VXN: variants seen among roughly 807,000 people sequenced by gnomAD.
The protein encoded by VXN is vexin.
VXN carries 7 observed loss-of-function variants against 23.1 expected under a neutral mutation model. That is an observed-to-expected ratio of 0.30 (90% CI 0.17 to 0.57). The LOEUF (loss-of-function observed/expected upper bound fraction) is 0.57. Ranked by LOEUF, VXN falls within the 20% of genes least tolerant of loss-of-function variation. The pLI, the probability that VXN is intolerant of heterozygous loss-of-function variation, is 0.91. For synonymous variants in VXN, 120 were observed against 105.8 expected (o/e 1.13, Z -0.83); for missense variants, 238 against 272.6 (o/e 0.87, Z 0.89).
At position 66,516,139 on chromosome 8, in the gene VXN, A is replaced by G; in HGVS notation, c.*63A>G. The G allele has an allele frequency of 1.4e-6, 2 of 1,460,800 alleles. No homozygotes were observed. Among genetic ancestry groups the G allele is most frequent in the Non-Finnish European group, 1.8e-6 (2 of 1,099,968 alleles). The allele number at this position is 1,460,800 out of a possible 1,614,324, so 90.5% of individuals were successfully genotyped here. A position where few individuals can be genotyped will look rare whatever the true frequency, so the allele number is the denominator to read the frequency against. ...TCCCCGGACAAGAGGAAAAACCTTC[A>G]GGATTGAAACTGAGCCACACGCACC... On this transcript the variant is annotated 3_prime_UTR_variant, in exon 6 of 6. Transcript: ENST00000305454.
rs202199085 is a variant in VXN at position 66,506,234 on chromosome 8, T to A, written c.280+706T>A. Among the ~76,000 whole-genome samples the A allele has an allele frequency of 5.2e-3, 450 of 86,554 alleles. 3 individuals are homozygous for A. Among genetic ancestry groups the A allele is most frequent in the African/African-American group, 0.023 (426 of 18,550 alleles). The allele number at this position is 86,554 out of a possible 152,430, so 56.8% of individuals were successfully genotyped here. On this transcript the variant is annotated intron_variant, in intron 3 of 5. Coordinates refer to ENST00000305454, the MANE Select transcript of VXN (RefSeq NM_152765.4). ...GAGAGAGAGAGAGAGAGAGAGACAG[T>A]GTGTGTGTGTGTGTGTGTGTGTGTG... is the stretch of plus-strand genomic sequence containing the variant.
intron 2 of VXN, among the ~76,000 whole-genome samples, chr8:66,502,237 T>C (rs1382310403): frequency 6.6e-6 from 1 of 152,202 alleles, no homozygotes; most frequent in African/African-American, 2.4e-5. Flanking sequence ...TGATGCCCAC[T>C]ATCATAGGAG....
At position 66,505,533 on chromosome 8, in the gene VXN, G is replaced by T. The variant is rs371633395; in HGVS notation, c.280+5G>T. 6.7e-7 allele frequency: 1 copy of T among 1,491,176 alleles called. No homozygotes were observed. Among genetic ancestry groups the T allele is most frequent in the Non-Finnish European group, 8.9e-7 (1 of 1,124,554 alleles). The allele number at this position is 1,491,176 out of a possible 1,614,324, so 92.4% of individuals were successfully genotyped here. A position where few individuals can be genotyped will look rare whatever the true frequency, so the allele number is the denominator to read the frequency against. On this transcript the variant is annotated splice_donor_5th_base_variant and intron_variant, in intron 3 of 5. Transcript: ENST00000305454. The stretch of plus-strand genomic sequence containing the variant: ...CCAAAGCCTCTGCCAGACCCGGTAC[G>T]TGAGTCCCGGCCCCAGCTCCCCGCA...
At chr8:66,501,587 TCTTCC>T (rs1159196538) in intron 2 of VXN, among the ~76,000 whole-genome samples, 1 of 152,214 alleles carries the variant, frequency 6.6e-6, no homozygotes, top group Non-Finnish European at 1.5e-5. Flanking sequence ...TTGGCTCTTG[TCTTCC>T]CATATTCAGT....
intron 5 of VXN, among the ~76,000 whole-genome samples, chr8:66,514,965 G>A (rs901264369): frequency 6.6e-6 from 1 of 152,138 alleles, no homozygotes; most frequent in African/African-American, 2.4e-5. Context: ...TGGCTAGAAA[G>A]AATTATAAAA....
intron 3 of VXN, among the ~76,000 whole-genome samples, chr8:66,507,628 A>G (rs544999786): frequency 6.6e-6 from 1 of 152,366 alleles, no homozygotes; most frequent in African/African-American, 2.4e-5. Flanking sequence ...TCTGAAAGAC[A>G]AGAGCAATAA....
intron 4 of VXN, among the ~76,000 whole-genome samples, 193 bp from the exon 5 acceptor site, chr8:66,513,347 G>T (rs2130559711): frequency 6.6e-6 from 1 of 152,326 alleles, no homozygotes; most frequent in African/African-American, 2.4e-5. Context: ...CAGACCCACG[G>T]ACTCAGAAGC....
intron 5 of VXN, among the ~76,000 whole-genome samples, chr8:66,515,458 G>T (rs1807876936): frequency 6.6e-6 from 1 of 152,212 alleles, no homozygotes; most frequent in African/African-American, 2.4e-5. Context: ...AGAAACTGAG[G>T]CTGGTAAAGG....
At chr8:66,494,946 A>G (rs1026854905) in intron 1 of VXN, 1 of 152,230 alleles carries the variant, frequency 6.6e-6, no homozygotes, top group African/African-American at 2.4e-5. Flanking sequence ...GGAATAAACT[A>G]GATGTATGCC....
At chr8:66,502,591 A>T (rs894108137) in intron 2 of VXN, among the ~76,000 whole-genome samples, 5 of 152,034 alleles carry the variant, frequency 3.3e-5, no homozygotes, top group East Asian at 3.9e-4. Context: ...TACTAAAAAT[A>T]CAAAAATTAG....
intron 5 of VXN, 121 bp downstream of exon 5, chr8:66,513,758 C>A: frequency 1.5e-6 from 1 of 683,058 alleles, no homozygotes; most frequent in Non-Finnish European, 2.5e-6. Flanking sequence ...CAAACCCATG[C>A]CAGCTGCAAA....
At chr8:66,505,209 G>A in intron 2 of VXN, 166 bp from the exon 3 acceptor site, 1 of 957,522 alleles carries the variant, frequency 1.0e-6, no homozygotes, top group Non-Finnish European at 1.6e-6. Flanking sequence ...CTTCTGGCCG[G>A]TTTCCTGCCC....
At position 66,515,985 on chromosome 8, in the gene VXN, G is replaced by T. The variant is rs201264396; in HGVS notation, c.533G>T (p.Gly178Val). ...SLPLTGSASC[G>V]VPGILRKMWT... ...CCACTGACAGGCAGTGCTTCCTGCG[G>T]CGTCCCCGGCATCCTCCGGAAAATG... The change falls in exon 6 of 6, where the codon GGC (glycine) becomes GTC (valine). Residue 178 changes from glycine (G) to valine (V), a missense_variant. Transcript: ENST00000305454. 1 of 1,613,914 alleles carries T rather than the reference G, an allele frequency of 6.2e-7. No homozygotes were observed. The highest frequency in any genetic ancestry group is 1.3e-5 in the African/African-American group (1 of 75,028).
In VXN at chr8:66,515,792, G is replaced by A. The variant is rs186419346; in HGVS notation, c.441-101G>A. ...TACGTGGATCCCGGTCACTGAGGAG[G>A]AGCAGAGGAGAGAGAGCTCTGGCCA... On this transcript the variant is annotated intron_variant, in intron 5 of 5. Transcript: ENST00000305454. The A allele has an allele frequency of 8.0e-4, 801 of 999,342 alleles. 4 individuals are homozygous for A. The highest frequency in any genetic ancestry group is 1.8e-4 in the Non-Finnish European group (122 of 692,732). 61.9% of individuals were successfully genotyped at this position (999,342 alleles called of 1,614,324 possible).
intron 2 of VXN, among the ~76,000 whole-genome samples, chr8:66,501,750 G>C (rs1282589713): frequency 6.6e-6 from 1 of 152,146 alleles, no homozygotes; most frequent in African/African-American, 2.4e-5. Context: ...TAGAAGAGAG[G>C]CAAGGTCTCT....
rs578124563 is a variant in VXN, at chr8:66,514,040, G to A, written c.440+403G>A. 1.4e-4 allele frequency: 25 copies of A among 174,686 alleles called. No individual in the cohort carries two copies. In the South Asian group the frequency reaches 1.7e-3, roughly 12 times the overall value. The allele number at this position is 174,686 out of a possible 1,614,324, so 10.8% of individuals were successfully genotyped here. On this transcript the variant is annotated intron_variant, in intron 5 of 5. Transcript: ENST00000305454. The stretch of plus-strand genomic sequence containing the variant: ...GGTTAAGAAGTGTGTCAAGTACAAA[G>A]GTTTCAAACCACACTTGAAACTGCA...
At chr8:66,505,163 C>T in intron 2 of VXN, 1 of 724,472 alleles carries the variant, frequency 1.4e-6, no homozygotes, top group Non-Finnish European at 2.4e-6. Flanking sequence ...TGCCCCATGG[C>T]ACCATTTGGC....
intron 2 of VXN, 59 bp downstream of exon 2, chr8:66,496,551 G>A: frequency 1.3e-6 from 2 of 1,510,874 alleles, no homozygotes; most frequent in Non-Finnish European, 1.8e-6. Flanking sequence ...AGCAATGCCA[G>A]GCTTCTTCTT....
At chr8:66,512,606 C>G (rs567541354) in intron 4 of VXN, among the ~76,000 whole-genome samples, 1 of 152,266 alleles carries the variant, frequency 6.6e-6, no homozygotes, top group South Asian at 2.1e-4. Context: ...ACTTGTCACT[C>G]CTTTGGGAGG....
Sources: gnomAD v4.1 joint callset for allele counts (sites outside exome capture counted in the v4.1 genomes callset) on GRCh38, gnomAD v4.1.1 for gene constraint, MANE v1.5 for transcripts, NCBI Gene and HGNC (gene_info 2026-07-23, HGNC 2026-07-21) for gene names.